The following PRDM1 variants were observed in gnomAD, a reference collection of about 807,000 sequenced individuals.
The protein encoded by PRDM1 is PR domain zinc finger protein 1.
PRDM1 carries 13 observed loss-of-function variants against 62.8 expected under a neutral mutation model. That is an observed-to-expected ratio of 0.21 (90% CI 0.13 to 0.33). The LOEUF (loss-of-function observed/expected upper bound fraction) is 0.33. Among genes scored for constraint, PRDM1 ranks in the 10% least tolerant of loss-of-function variants. The pLI is 1.00. For missense variants in PRDM1, 895 were observed against 1,058.8 expected (o/e 0.85, Z 2.15); for synonymous variants, 396 against 417.6 (o/e 0.95, Z 0.63).
intron 1 of PRDM1, among the ~76,000 whole-genome samples, chr6:106,029,937 C>T (rs369344882): frequency 5.3e-5 from 8 of 152,134 alleles, no homozygotes; most frequent in Non-Finnish European, 8.8e-5. Flanking sequence ...TTTGAATTTG[C>T]GTTTCCCTCA....
chr6:106,067,694 T>G (rs1773454201), intron 1 of PRDM1, among the ~76,000 whole-genome samples: 1 of 152,000 alleles, frequency 6.6e-6, no homozygotes, highest in East Asian at 1.9e-4. Context: ...CAAGGTAAAA[T>G]AGAGGTTACC....
Position 106,105,230 on chromosome 6 carries a change from G to T in PRDM1, c.1070G>T (p.Gly357Val), listed in dbSNP as rs2114653414. ...LKSSSPHSSP[G>V]NTVSPVGPGS... The stretch of plus-strand genomic sequence containing the variant: ...AGCTCCAGCCCTCACAGCAGCCCTG[G>T]GAATACGGTGTCCCCTGTGGGCCCC... The change falls in exon 5 of 7, where the codon GGG becomes GTG. Residue 357 changes from glycine (G) to valine (V), a missense_variant. Transcript: ENST00000369096. The T allele has an allele frequency of 6.2e-7, 1 of 1,613,762 alleles. No homozygotes were observed. The highest frequency in any genetic ancestry group is 1.7e-5 in the Admixed American group (1 of 60,016).
At chr6:106,087,193 T>A in intron 1 of PRDM1, among the ~76,000 whole-genome samples, 1 of 152,152 alleles carries the variant, frequency 6.6e-6, no homozygotes. Context: ...TGGAAAACAG[T>A]TTTTTTCTGA....
At chr6:106,038,043 G>A (rs1450142086) in intron 1 of PRDM1, among the ~76,000 whole-genome samples, 1 of 8,488 alleles carries the variant, frequency 1.2e-4, no homozygotes, top group African/African-American at 3.7e-4. Flanking sequence ...TTGAGACAGA[G>A]TCTCACTCTG....
chr6:106,099,716 A>G (rs1293440999), intron 4 of PRDM1, 164 bp downstream of exon 4: 7 of 870,242 alleles, frequency 8.0e-6, no homozygotes, highest in East Asian at 8.0e-5. Flanking sequence ...TTGAGTCCCT[A>G]TTAACTATTA....
chr6:106,105,589 A>C lies in PRDM1; in HGVS notation c.1429A>C (p.Arg477=), dbSNP rs754581608. The C allele has an allele frequency of 1.9e-6, 3 of 1,613,160 alleles. No individual in the cohort carries two copies. The highest frequency in any genetic ancestry group is 2.5e-6 in the Non-Finnish European group (3 of 1,179,326). The change falls in exon 5 of 7, where the codon AGG becomes CGG. Residue 477 remains arginine (R), a synonymous_variant. Coordinates refer to ENST00000369096, the MANE Select transcript of PRDM1 (RefSeq NM_001198.4). ...PSSLPSDGAR[R]LLQPEHPREV... ...CTCGCTGCCCTCAGATGGAGCCCGG[A>C]GGTTGCTCCAGCCGGAGCATCCCAG...
At chr6:106,026,423 G>A (rs112467002) in intron 1 of PRDM1, among the ~76,000 whole-genome samples, 237 of 152,220 alleles carry the variant, frequency 1.6e-3, no homozygotes, top group Non-Finnish European at 2.6e-3. Context: ...AGGTTGCAGC[G>A]AGCCAAGATC....
chr6:106,071,530 C>G (rs1773521168), intron 1 of PRDM1, among the ~76,000 whole-genome samples: 1 of 152,132 alleles, frequency 6.6e-6, no homozygotes, highest in African/African-American at 2.4e-5. Context: ...CTGTACCCAT[C>G]CATACACTTG....
At position 106,054,430 on chromosome 6, in the gene PRDM1, T is replaced by C. The variant is rs77462094; in HGVS notation, c.-67+5716T>C. On this transcript the variant is annotated intron_variant, in intron 1 of 6. Transcript: ENST00000651185. ...TCTCTCACTTAAAACTAATTCTGAA[T>C]TGGGCAGGGGCAGATGGTGTCTTCA... Among the ~76,000 whole-genome samples, 45 of 152,308 alleles carry C rather than the reference T, an allele frequency of 3.0e-4. No homozygotes were observed. The East Asian group carries it at 8.3e-3, about 28-fold the overall frequency.
In PRDM1 at chr6:106,106,936, C is replaced by A. The variant is rs750606845; in HGVS notation, c.1928C>A (p.Thr643Asn). The change falls in exon 7 of 7, where the codon ACC becomes AAC. Residue 643 changes from threonine (T) to asparagine (N), a missense_variant. Around this residue, in one of 4 missense-constraint regions of PRDM1, gnomAD observed 74 missense variants for 172.4 expected, o/e 0.43. Coordinates refer to ENST00000369096, the MANE Select transcript of PRDM1 (RefSeq NM_001198.4). This position sits in a 1 kb window ranked among gnomAD's most constrained non-coding sequence, Gnocchi z 4.4. ...CQVCHKRFSS[T>N]SNLKTHLRLH... Reference sequence around the variant, plus strand: ...GTCTGCCACAAGAGATTTAGCAGCACCAGCAATCTCAAGACCCACCTGCGA... The same window carrying A: ...GTCTGCCACAAGAGATTTAGCAGCAACAGCAATCTCAAGACCCACCTGCGA... The A allele has an allele frequency of 2.5e-6, 4 of 1,613,888 alleles. No homozygotes were observed. Among genetic ancestry groups the A allele is most frequent in the Non-Finnish European group, 3.4e-6 (4 of 1,179,856 alleles).
rs559460772 is a variant in PRDM1 at position 106,051,659 on chromosome 6, G to A, written c.-67+2945G>A. On this transcript the variant is annotated intron_variant, in intron 1 of 6. Coordinates refer to the PRDM1 transcript ENST00000651185. ...TCCTTTCCGTCTGGAAAAAAGAGGG[G>A]CAAAGAGTAGGCCACAACAAGGCTT... 8.1e-4 allele frequency among the ~76,000 whole-genome samples: 123 copies of A among 152,272 alleles called. 1 individual carries two copies. Among genetic ancestry groups the A allele is most frequent in the African/African-American group, 2.3e-3 (95 of 41,540 alleles).
intron 1 of PRDM1, among the ~76,000 whole-genome samples, chr6:106,071,063 G>C (rs377267015): frequency 6.6e-6 from 1 of 152,180 alleles, no homozygotes; most frequent in East Asian, 1.9e-4. Context: ...TTGAGGTCAG[G>C]AGTTCAAGAC....
At chr6:106,012,763 C>A (rs980830825) in intron 1 of PRDM1, among the ~76,000 whole-genome samples, 2 of 152,180 alleles carry the variant, frequency 1.3e-5, no homozygotes, top group African/African-American at 4.8e-5. Flanking sequence ...CTCTGAAGAG[C>A]GGAACCTGAG....
At chr6:106,073,884 T>G (rs1773560100) in intron 1 of PRDM1, among the ~76,000 whole-genome samples, 1 of 152,228 alleles carries the variant, frequency 6.6e-6, no homozygotes, top group Non-Finnish European at 1.5e-5. Flanking sequence ...ATACCCTCAG[T>G]GAGGTGTTCT....
At chr6:106,005,227 G>C (rs1378417795) in intron 1 of PRDM1, among the ~76,000 whole-genome samples, 1 of 152,204 alleles carries the variant, frequency 6.6e-6, no homozygotes, top group Non-Finnish European at 1.5e-5. Flanking sequence ...TAATGAAGCC[G>C]AAAGTGACTT....
intron 1 of PRDM1, among the ~76,000 whole-genome samples, chr6:106,069,815 G>A (rs1773483200): frequency 6.6e-6 from 1 of 152,166 alleles, no homozygotes; most frequent in African/African-American, 2.4e-5. Context: ...AGGTTGCTTC[G>A]GTGAGGAGAA....
intron 1 of PRDM1, among the ~76,000 whole-genome samples, chr6:106,030,996 C>CTTTTTTTTTTTTTT (rs11343130): frequency 7.4e-6 from 1 of 135,314 alleles, no homozygotes; most frequent in African/African-American, 2.7e-5. Flanking sequence ...TGTATTCTCT[C>CTTTTTTTTTTTTTT]TTTTTTTTTT....
chr6:106,029,001 A>T (rs1227717476), intron 1 of PRDM1, among the ~76,000 whole-genome samples: 13 of 145,568 alleles, frequency 8.9e-5, no homozygotes, highest in Admixed American at 4.1e-4. Context: ...GCTCATTGCA[A>T]CCTCCACCTC....
chr6:106,107,882 A>G lies in PRDM1; in HGVS notation c.*396A>G, dbSNP rs1298411049. The G allele has an allele frequency of 1.7e-5, 4 of 232,200 alleles. No homozygotes were observed. Among genetic ancestry groups the G allele is most frequent in the African/African-American group, 8.8e-5 (4 of 45,280 alleles). The allele number at this position is 232,200 out of a possible 1,614,324, so 14.4% of individuals were successfully genotyped here. On this transcript the variant is annotated 3_prime_UTR_variant, in exon 7 of 7. Transcript: ENST00000369096. ...TATACAATTTATCATTCAGAAAGCA[A>G]TAATTAAAAAAGTTTACAATGACTG...
Sources: allele counts gnomAD v4.1 joint callset (sites outside exome capture counted in the v4.1 genomes callset), GRCh38; gene constraint gnomAD v4.1.1; regional missense constraint gnomAD v4.1.1; non-coding constraint Gnocchi (gnomAD v3.1); transcripts MANE v1.5; gene names NCBI Gene and HGNC (gene_info 2026-07-23, HGNC 2026-07-21).